The following FAM210A variants were observed in gnomAD, a reference collection of about 807,000 sequenced individuals.
FAM210A encodes family with sequence similarity 210 member A.
In FAM210A, 13 loss-of-function variants were observed where a neutral mutation model predicts 25.3. The observed-to-expected ratio is 0.51, with a 90% CI of 0.33 to 0.82. FAM210A has a LOEUF of 0.82. Among genes scored for constraint, FAM210A ranks in the 40% least tolerant of loss-of-function variants. The probability of loss-of-function intolerance (pLI) is 0.02; values close to 1 mark genes in which losing one functional copy is unlikely to be tolerated. For synonymous variants in FAM210A, 125 were observed against 118.7 expected, an observed-to-expected ratio of 1.05 and a Z score of -0.35; for missense variants, 319 against 323.2, an observed-to-expected ratio of 0.99 and a Z score of 0.10.
intron 1 of FAM210A, chr18:13,687,998 T>C (rs1488852573): frequency 1.3e-5 from 2 of 152,190 alleles, no homozygotes; most frequent in Non-Finnish European, 2.9e-5. Context: ...TTAACCTCCA[T>C]TAGGCTTTCT....
At chr18:13,719,614 AG>A (rs2043884182) in intron 1 of FAM210A, among the ~76,000 whole-genome samples, 1 of 152,160 alleles carries the variant, frequency 6.6e-6, no homozygotes, top group Non-Finnish European at 1.5e-5. Context: ...CAGAGGTCAT[AG>A]ACCACTGCTA....
In FAM210A at chr18:13,666,564, C is replaced by T; in HGVS notation, c.735G>A (p.Glu245=). ...RMEETKELIT[E]KMEETKDRLT... ...GTCTATCTTTTGTTTCTTCCATTTT[C>T]TCTGTGATAAGCTCCTTTGTCTCTT... The change falls in exon 4 of 4, where the codon GAG becomes GAA. Residue 245 remains glutamate (E), a synonymous_variant. Transcript: ENST00000651643. The T allele has an allele frequency of 6.2e-7, 1 of 1,614,076 alleles. No homozygotes were observed. The highest frequency in any genetic ancestry group is 8.5e-7 in the Non-Finnish European group (1 of 1,180,028).
At chr18:13,691,052 A>G (rs1405887101) in intron 1 of FAM210A, among the ~76,000 whole-genome samples, 1 of 152,240 alleles carries the variant, frequency 6.6e-6, no homozygotes, top group Non-Finnish European at 1.5e-5. Context: ...AGTGAAGAGA[A>G]GTCCTTAAAT....
intron 1 of FAM210A, among the ~76,000 whole-genome samples, chr18:13,707,332 G>A (rs2043786570): frequency 1.3e-5 from 2 of 152,288 alleles, no homozygotes; most frequent in Middle Eastern, 3.4e-3. Context: ...AAACAAAAGT[G>A]GAGCCACTCC....
At chr18:13,715,675 T>C (rs953916813) in intron 1 of FAM210A, among the ~76,000 whole-genome samples, 1 of 152,204 alleles carries the variant, frequency 6.6e-6, no homozygotes, top group Non-Finnish European at 1.5e-5. Context: ...CACAGAGTTA[T>C]TACACAACAA....
At position 13,673,637 on chromosome 18, in the gene FAM210A, G is replaced by C. The variant is rs1336219923; in HGVS notation, c.474-1664C>G. 4.9e-5 allele frequency among the ~76,000 whole-genome samples: 7 copies of C among 143,912 alleles called. No individual in the cohort carries two copies. The South Asian group carries it at 1.5e-3, about 31-fold the overall frequency. 94.4% of individuals were successfully genotyped at this position (143,912 alleles called of 152,430 possible). A position where few individuals can be genotyped will look rare whatever the true frequency, so the allele number is the denominator to read the frequency against. ...CAGTTTCCTGATTATTAACATTCCTGAGACCCGACTTCTTTATTTCCAGTT... is the reference window on the plus strand; with the variant it reads ...CAGTTTCCTGATTATTAACATTCCTCAGACCCGACTTCTTTATTTCCAGTT... On this transcript the variant is annotated intron_variant, in intron 2 of 3. Transcript: ENST00000651643.
rs149062817 is a variant in FAM210A at position 13,679,169 on chromosome 18, C to T, written c.473+2436G>A. The stretch of plus-strand genomic sequence containing the variant: ...TACGATGCCTAGAAAGGCAGTAATG[C>T]GAGCTATCAGGGTAACCAAGACAAA... On this transcript the variant is annotated intron_variant, in intron 2 of 3. Transcript: ENST00000651643. 1.5e-3 allele frequency among the ~76,000 whole-genome samples: 231 copies of T among 152,292 alleles called. 2 individuals carry two copies. Among genetic ancestry groups the T allele is most frequent in the Middle Eastern group, 6.8e-3 (2 of 294 alleles).
At chr18:13,669,663 G>C (rs2043427027) in intron 3 of FAM210A, among the ~76,000 whole-genome samples, 1 of 151,998 alleles carries the variant, frequency 6.6e-6, no homozygotes, top group Non-Finnish European at 1.5e-5. Context: ...ACTTTACCTT[G>C]TCTCCCCAAC....
chr18:13,722,849 C>T (rs1568491378), intron 1 of FAM210A, among the ~76,000 whole-genome samples: 2 of 145,356 alleles, frequency 1.4e-5, no homozygotes. Flanking sequence ...TCTTTCCTTT[C>T]TTTTTTTTTT....
At chr18:13,680,783 G>C (rs117415794) in intron 2 of FAM210A, among the ~76,000 whole-genome samples, 1 of 152,308 alleles carries the variant, frequency 6.6e-6, no homozygotes, top group Non-Finnish European at 1.5e-5. Flanking sequence ...CGGACACTGA[G>C]GAATGGGCAC....
chr18:13,708,383 G>A (rs2043796472), intron 1 of FAM210A, among the ~76,000 whole-genome samples: 1 of 152,180 alleles, frequency 6.6e-6, no homozygotes, highest in Non-Finnish European at 1.5e-5. Context: ...TTGTTCAAGA[G>A]TTTTTGTAGA....
intron 1 of FAM210A, among the ~76,000 whole-genome samples, chr18:13,683,069 C>T (rs1008535399): frequency 1.3e-5 from 2 of 152,048 alleles, no homozygotes; most frequent in Non-Finnish European, 2.9e-5. Context: ...TTTCAGGAAC[C>T]AAGCCCATGT....
intron 1 of FAM210A, chr18:13,715,517 A>G (rs2043854736): frequency 6.6e-6 from 1 of 152,194 alleles, no homozygotes; most frequent in African/African-American, 2.4e-5. Context: ...TTCCCTGAAA[A>G]GTTTAGCATA....
At chr18:13,679,642 T>C (rs1412660035) in intron 2 of FAM210A, among the ~76,000 whole-genome samples, 1 of 152,142 alleles carries the variant, frequency 6.6e-6, no homozygotes, top group East Asian at 1.9e-4. Flanking sequence ...GGCGGGGCAG[T>C]AGTGGTGGTC....
intron 2 of FAM210A, among the ~76,000 whole-genome samples, chr18:13,672,705 GCCAATT>G (rs1341086096): frequency 3.3e-5 from 5 of 152,170 alleles, no homozygotes; most frequent in Non-Finnish European, 7.3e-5. Context: ...ACAGTGCCCA[GCCAATT>G]ACATGTAATT....
intron 1 of FAM210A, among the ~76,000 whole-genome samples, chr18:13,691,615 A>G (rs1369260615): frequency 2.0e-5 from 3 of 151,514 alleles, no homozygotes; most frequent in Non-Finnish European, 4.4e-5. Flanking sequence ...CATTCTTAAA[A>G]GAATTTTCAA....
chr18:13,684,264 T>C (rs1474127756), intron 1 of FAM210A, among the ~76,000 whole-genome samples: 1 of 151,978 alleles, frequency 6.6e-6, no homozygotes, highest in Non-Finnish European at 1.5e-5. Flanking sequence ...CCGGGCATGG[T>C]GGTGCACGCC....
intron 1 of FAM210A, among the ~76,000 whole-genome samples, chr18:13,706,940 C>T (rs947294543): frequency 6.6e-6 from 1 of 152,192 alleles, no homozygotes; most frequent in African/African-American, 2.4e-5. Flanking sequence ...GTTTGATTTA[C>T]TGGGACCCTG....
chr18:13,698,627 C>A (rs1300367005), intron 1 of FAM210A, among the ~76,000 whole-genome samples: 1 of 152,130 alleles, frequency 6.6e-6, no homozygotes, highest in Non-Finnish European at 1.5e-5. Context: ...CCATGAGAAA[C>A]ACCCTGCCTA....
Sources: allele counts gnomAD v4.1 joint callset (sites outside exome capture counted in the v4.1 genomes callset), GRCh38; gene constraint gnomAD v4.1.1; transcripts MANE v1.5; gene names NCBI Gene and HGNC (gene_info 2026-07-23, HGNC 2026-07-21).